FBXW8: variants seen among roughly 807,000 people sequenced by gnomAD.
FBXW8 encodes the protein F-box and WD repeat domain containing 8.
Under a neutral mutation model 65.3 loss-of-function variants are expected in FBXW8, and 57 were observed. That is an observed-to-expected ratio of 0.87 (90% CI 0.71 to 1.09). FBXW8 has a LOEUF of 1.09. Ranked by LOEUF, FBXW8 falls within the 50% of genes least tolerant of loss-of-function variation. The probability of loss-of-function intolerance (pLI) is 0.00; values close to 1 mark genes in which losing one functional copy is unlikely to be tolerated. For synonymous variants in FBXW8, 308 were observed against 330.2 expected (o/e 0.93, Z 0.73); for missense variants, 777 against 814.8 (o/e 0.95, Z 0.57).
At position 117,011,127 on chromosome 12, in the gene FBXW8, CTTTTTT is replaced by C. The variant is rs397946872; in HGVS notation, c.1367+687_1367+692del. On this transcript the variant is annotated intron_variant, in intron 8 of 10. Transcript: ENST00000652555. ...CTTCTTTCCTTGTTTTTTTCTTTTC[CTTTTTT>C]TTTTTTTTTGGCCAGTTATCTGCTG... 1.5e-4 allele frequency among the ~76,000 whole-genome samples: 18 copies of C among 122,176 alleles called. 2 individuals carry two copies. Among genetic ancestry groups the C allele is most frequent in the Non-Finnish European group, 2.4e-4 (15 of 62,016 alleles). 80.2% of individuals were successfully genotyped at this position (122,176 alleles called of 152,430 possible). A position where few individuals can be genotyped will look rare whatever the true frequency, so the allele number is the denominator to read the frequency against.
At chr12:116,957,645 G>A (rs896712139) in intron 4 of FBXW8, among the ~76,000 whole-genome samples, 10 of 152,050 alleles carry the variant, frequency 6.6e-5, no homozygotes, top group African/African-American at 2.4e-4. Flanking sequence ...AAGGACATGC[G>A]TTCCATTTTT....
chr12:116,952,584 C>T (rs944535108), intron 4 of FBXW8, among the ~76,000 whole-genome samples: 2 of 152,214 alleles, frequency 1.3e-5, no homozygotes, highest in African/African-American at 2.4e-5. Flanking sequence ...GGACCATCTA[C>T]AGCTGACAGG....
chr12:117,019,698 C>T (rs111535403), intron 8 of FBXW8, among the ~76,000 whole-genome samples: 1,778 of 152,110 alleles, frequency 0.012, 34 homozygotes, highest in African/African-American at 0.041. Context: ...CGAGAATGCC[C>T]GCGCATCCAC....
intron 4 of FBXW8, among the ~76,000 whole-genome samples, chr12:116,957,463 G>A (rs1236652105): frequency 1.3e-5 from 2 of 152,064 alleles, no homozygotes; most frequent in Non-Finnish European, 1.5e-5. Flanking sequence ...TTTTCTGTTC[G>A]GGAACTGAAG....
At chr12:116,913,750 A>G (rs1370178248) in intron 1 of FBXW8, among the ~76,000 whole-genome samples, 1 of 152,164 alleles carries the variant, frequency 6.6e-6, no homozygotes, top group African/African-American at 2.4e-5. Context: ...ACGCGGTTCA[A>G]ACCCATGTTG....
chr12:117,017,949 G>GCTA (rs1953996807), intron 8 of FBXW8, among the ~76,000 whole-genome samples: 1 of 152,180 alleles, frequency 6.6e-6, no homozygotes, highest in African/African-American at 2.4e-5. Context: ...CTGTGCTCGT[G>GCTA]CTACTGCTGC....
chr12:116,966,685 A>G (rs1330218002), intron 5 of FBXW8, among the ~76,000 whole-genome samples: 2 of 152,074 alleles, frequency 1.3e-5, no homozygotes, highest in Non-Finnish European at 2.9e-5. Context: ...TTGCACAGAA[A>G]TGTTGGGAAA....
chr12:116,954,169 A>G (rs1883490398), intron 4 of FBXW8, among the ~76,000 whole-genome samples: 1 of 151,832 alleles, frequency 6.6e-6, no homozygotes. Context: ...TTGTTTTGCA[A>G]CCGTGTTAGA....
At chr12:116,967,851 C>T (rs901745056) in intron 5 of FBXW8, among the ~76,000 whole-genome samples, 10 of 152,186 alleles carry the variant, frequency 6.6e-5, no homozygotes, top group Admixed American at 1.3e-4. Flanking sequence ...ACTACAACCT[C>T]CGTCTCCTGG....
chr12:116,983,419 C>G (rs988178763), intron 5 of FBXW8, among the ~76,000 whole-genome samples: 1 of 152,132 alleles, frequency 6.6e-6, no homozygotes, highest in Non-Finnish European at 1.5e-5. Context: ...GTTTTAGATG[C>G]GAAGCAACAT....
Position 117,028,182 on chromosome 12 carries a change from T to G in FBXW8, c.*10T>G, listed in dbSNP as rs1180099144. 1.1e-5 allele frequency: 17 copies of G among 1,612,858 alleles called. No individual in the cohort carries two copies. The highest frequency in any genetic ancestry group is 1.4e-5 in the Non-Finnish European group (17 of 1,179,232). On this transcript the variant is annotated 3_prime_UTR_variant, in exon 11 of 11. Transcript: ENST00000652555. The surrounding 1 kb of genome is among the most constrained non-coding windows in gnomAD (Gnocchi z 4.1). The stretch of plus-strand genomic sequence containing the variant: ...CTATAACCATGTTTAGGGATGTGCC[T>G]CAGTTGGGAGCAAGGAGAAAAATGG...
chr12:116,921,413 T>C (rs1046460068), intron 1 of FBXW8, among the ~76,000 whole-genome samples: 16 of 152,206 alleles, frequency 1.1e-4, no homozygotes, highest in Non-Finnish European at 5.9e-5. Flanking sequence ...TTTGTAGCAT[T>C]GTTTGTTTGG....
intron 4 of FBXW8, among the ~76,000 whole-genome samples, chr12:116,958,168 T>C (rs557202123): frequency 2.0e-5 from 3 of 152,360 alleles, no homozygotes; most frequent in African/African-American, 7.2e-5. Context: ...AAGCCCCACT[T>C]GATGTTTGTT....
chr12:117,000,783 C>T (rs1953496753), intron 7 of FBXW8, among the ~76,000 whole-genome samples: 1 of 152,178 alleles, frequency 6.6e-6, no homozygotes, highest in Non-Finnish European at 1.5e-5. Context: ...CTGTGGAGGT[C>T]AGGTGAGATA....
chr12:116,993,594 G>T (rs1565931614), intron 7 of FBXW8, among the ~76,000 whole-genome samples: 1 of 151,766 alleles, frequency 6.6e-6, no homozygotes, highest in Non-Finnish European at 1.5e-5. Context: ...TATTTGTTTT[G>T]GCTTTTTTTT....
chr12:117,022,729 G>A (rs957429067), intron 8 of FBXW8, among the ~76,000 whole-genome samples: 3 of 152,154 alleles, frequency 2.0e-5, no homozygotes, highest in Admixed American at 6.5e-5. Context: ...AGGTCTGACC[G>A]AACACTGAGT....
At chr12:117,000,182 T>C (rs886397736) in intron 7 of FBXW8, among the ~76,000 whole-genome samples, 4 of 152,268 alleles carry the variant, frequency 2.6e-5, no homozygotes, top group South Asian at 4.1e-4. Context: ...TTCACCGTGT[T>C]AGCCAGGATG....
At chr12:117,009,216 A>AT (rs1205350896) in intron 7 of FBXW8, among the ~76,000 whole-genome samples, 6 of 152,142 alleles carry the variant, frequency 3.9e-5, no homozygotes, top group Non-Finnish European at 7.3e-5. Context: ...TACTTAAAAA[A>AT]TTTTTTAAAA....
At chr12:116,992,169 A>G (rs755264101) in intron 7 of FBXW8, among the ~76,000 whole-genome samples, 48 of 152,188 alleles carry the variant, frequency 3.2e-4, no homozygotes, top group Non-Finnish European at 4.7e-4. Context: ...TTATCTGTCT[A>G]ATCTTTTTTT....
Sources: allele counts gnomAD v4.1 joint callset (sites outside exome capture counted in the v4.1 genomes callset), GRCh38; gene constraint gnomAD v4.1.1; non-coding constraint Gnocchi (gnomAD v3.1); transcripts MANE v1.5; gene names NCBI Gene and HGNC (gene_info 2026-07-23, HGNC 2026-07-21).